QDPR: variants seen among roughly 807,000 people sequenced by gnomAD.
QDPR encodes dihydropteridine reductase.
A neutral mutation model predicts 31.7 loss-of-function variants in QDPR; 23 were observed. The observed-to-expected ratio is 0.73, with a 90% confidence interval of 0.52 to 1.03. QDPR has a LOEUF of 1.03. Among genes scored for constraint, QDPR ranks in the 50% least tolerant of loss-of-function variants. QDPR has a pLI of 0.00. For missense variants in QDPR, 324 were observed against 323.8 expected, an observed-to-expected ratio of 1.00 and a Z score of 0.00; for synonymous variants, 124 against 124.7, an observed-to-expected ratio of 0.99 and a Z score of 0.03.
intron 5 of QDPR, among the ~76,000 whole-genome samples, chr4:17,491,839 G>T (rs1718174955): frequency 6.6e-6 from 1 of 152,056 alleles, no homozygotes; most frequent in Non-Finnish European, 1.5e-5. Context: ...GGAGACAAGT[G>T]GGGGCCTTTA....
Position 17,499,282 on chromosome 4 carries a change from C to A in QDPR, c.436+2437G>T, listed in dbSNP as rs11722315. 0.15 allele frequency among the ~76,000 whole-genome samples: 22,152 copies of A among 152,200 alleles called. 1,863 individuals carry two copies. Among genetic ancestry groups the A allele is most frequent in the Admixed American group, 0.22 (3,289 of 15,286 alleles). On this transcript the variant is annotated intron_variant, in intron 4 of 6. Coordinates refer to ENST00000281243, the MANE Select transcript of QDPR (RefSeq NM_000320.3). Reference sequence around the variant, plus strand: ...CCAACGTGCACAGTTCCAGAGCCTGCAGTCTTAACCACTACCCAAAATGTA... The same window carrying A: ...CCAACGTGCACAGTTCCAGAGCCTGAAGTCTTAACCACTACCCAAAATGTA...
intron 2 of QDPR, among the ~76,000 whole-genome samples, chr4:17,505,591 C>CA (rs1718759834): frequency 6.6e-6 from 1 of 152,208 alleles, no homozygotes; most frequent in Non-Finnish European, 1.5e-5. Context: ...GTGGCTCATG[C>CA]CAGTAGTCCC....
intron 1 of QDPR, 73 bp downstream of exon 1, chr4:17,511,877 C>T (rs1418313790): frequency 3.6e-6 from 5 of 1,394,924 alleles, no homozygotes; most frequent in Non-Finnish European, 4.7e-6. Context: ...TCTAGACTGC[C>T]CCCCGCCGGG....
intron 4 of QDPR, 119 bp from the exon 5 acceptor site, chr4:17,492,459 C>T (rs1718202520): frequency 1.2e-6 from 1 of 830,124 alleles, no homozygotes; most frequent in Admixed American, 2.0e-5. Context: ...TGCATCTGGC[C>T]TCCTCCTTCA....
chr4:17,493,555 G>A lies in QDPR; in HGVS notation c.437-1215C>T, dbSNP rs116800647. Among the ~76,000 whole-genome samples, 1,170 of 152,184 alleles carry A rather than the reference G, an allele frequency of 7.7e-3. 9 individuals are homozygous for A. Among genetic ancestry groups the A allele is most frequent in the African/African-American group, 0.026 (1,093 of 41,520 alleles). ...GTGCAATAATTTGCTAGAATGGCTC[G>A]AAGAACTCAGGCAAACGCTTTTTTT... On this transcript the variant is annotated intron_variant, in intron 4 of 6. Transcript: ENST00000281243.
At chr4:17,497,035 C>T (rs1718385093) in intron 4 of QDPR, among the ~76,000 whole-genome samples, 1 of 152,102 alleles carries the variant, frequency 6.6e-6, no homozygotes, top group African/African-American at 2.4e-5. Flanking sequence ...AGGCATGAGC[C>T]ATCGCGCCCT....
chr4:17,500,998 A>G (rs1279231204), intron 4 of QDPR, among the ~76,000 whole-genome samples: 1 of 152,234 alleles, frequency 6.6e-6, no homozygotes, highest in African/African-American at 2.4e-5. Flanking sequence ...CTTGCCATTT[A>G]TGGGTGCCTA....
At chr4:17,501,693 C>A in intron 4 of QDPR, 26 bp downstream of exon 4, 1 of 1,612,818 alleles carries the variant, frequency 6.2e-7, no homozygotes, top group Non-Finnish European at 8.5e-7. Flanking sequence ...CAACCCCACT[C>A]CACAGATAGG....
intron 3 of QDPR, among the ~76,000 whole-genome samples, chr4:17,504,116 G>T (rs1718667082): frequency 6.6e-6 from 1 of 152,120 alleles, no homozygotes; most frequent in Admixed American, 6.5e-5. Flanking sequence ...CACATGGCCT[G>T]GGGCACAGGC....
chr4:17,487,380 T>G, intron 6 of QDPR, 144 bp from the exon 7 acceptor site: 1 of 689,178 alleles, frequency 1.5e-6, no homozygotes, highest in Non-Finnish European at 2.6e-6. Flanking sequence ...CTGGGCGCCA[T>G]GGCTCACACC....
chr4:17,486,926 C>T lies in QDPR; in HGVS notation c.*205G>A. The T allele has an allele frequency of 8.4e-6, 5 of 597,930 alleles. No individual in the cohort carries two copies. Among genetic ancestry groups the T allele is most frequent in the Middle Eastern group, 9.2e-4 (2 of 2,182 alleles). 37.0% of individuals were successfully genotyped at this position (597,930 alleles called of 1,614,324 possible). ...AACACAGATCAACGGATGCTATTTG[C>T]AGGCCACCAGTCTCGCATGTCTTTA... On this transcript the variant is annotated 3_prime_UTR_variant, in exon 7 of 7. Transcript: ENST00000281243.
Position 17,492,301 on chromosome 4 carries a change from T to A in QDPR, c.476A>T (p.Gln159Leu). 6.2e-7 allele frequency: 1 copy of A among 1,614,182 alleles called. No individual in the cohort carries two copies. Among genetic ancestry groups the A allele is most frequent in the Non-Finnish European group, 8.5e-7 (1 of 1,180,016 alleles). ...GYGMAKGAVH[Q>L]LCQSLAGKNS... ...CTTCCCAGCCAGGCTCTGGCAGAGC[T>A]GGTGAACAGCACCCTTGGCCATGCC... The change falls in exon 5 of 7, where the codon CAG becomes CTG. Residue 159 changes from glutamine to leucine, a missense_variant. Gln to Leu is a moderately radical substitution (Grantham distance 113). Transcript: ENST00000281243.
chr4:17,490,858 T>G, intron 5 of QDPR, 113 bp from the exon 6 acceptor site: 1 of 754,756 alleles, frequency 1.3e-6, no homozygotes, highest in Non-Finnish European at 2.3e-6. Flanking sequence ...CTAGAGCCTC[T>G]GGCACTGAGG....
At chr4:17,508,430 C>T (rs1718866157) in intron 2 of QDPR, among the ~76,000 whole-genome samples, 1 of 152,152 alleles carries the variant, frequency 6.6e-6, no homozygotes, top group African/African-American at 2.4e-5. Context: ...TAGAGCAAGA[C>T]TCTCTTAAAA....
intron 4 of QDPR, among the ~76,000 whole-genome samples, chr4:17,498,847 A>G (rs1388950928): frequency 6.6e-6 from 1 of 152,214 alleles, no homozygotes; most frequent in Non-Finnish European, 1.5e-5. Context: ...CTTGAGTTTG[A>G]GGGACTACTA....
intron 1 of QDPR, among the ~76,000 whole-genome samples, chr4:17,510,686 C>T (rs1006048646): frequency 1.3e-5 from 2 of 152,088 alleles, no homozygotes; most frequent in African/African-American, 4.8e-5. Flanking sequence ...GAAAGCACAG[C>T]CTTCACCCTC....
intron 4 of QDPR, among the ~76,000 whole-genome samples, chr4:17,496,442 CAAAAAAA>C (rs747311750): frequency 5.0e-4 from 32 of 64,614 alleles, no homozygotes; most frequent in South Asian, 9.3e-4. Context: ...AAAACTGTCT[CAAAAAAA>C]AAAAAAAAAA....
chr4:17,491,178 G>A (rs1008914810), intron 5 of QDPR, among the ~76,000 whole-genome samples: 4 of 152,112 alleles, frequency 2.6e-5, no homozygotes, highest in African/African-American at 9.7e-5. Flanking sequence ...TTAAATATGT[G>A]GCTATTTTCC....
chr4:17,501,534 G>A (rs1483499685), intron 4 of QDPR, among the ~76,000 whole-genome samples, 185 bp downstream of exon 4: 1 of 151,952 alleles, frequency 6.6e-6, no homozygotes, highest in African/African-American at 2.4e-5. Flanking sequence ...ATAAGGACAG[G>A]CAAACAAAAG....
Sources: allele counts gnomAD v4.1 joint callset (sites outside exome capture counted in the v4.1 genomes callset), GRCh38; gene constraint gnomAD v4.1.1; transcripts MANE v1.5; gene names NCBI Gene and HGNC (gene_info 2026-07-23, HGNC 2026-07-21).